PSMD1: variants seen among roughly 807,000 people sequenced by gnomAD.
The protein encoded by PSMD1 is 26S proteasome non-ATPase regulatory subunit 1.
Under a neutral mutation model 119.0 loss-of-function variants are expected in PSMD1, and 18 were observed. That is an observed-to-expected ratio of 0.15 (90% confidence interval 0.10 to 0.22). PSMD1 has a LOEUF of 0.22. Among genes scored for constraint, PSMD1 ranks in the 10% least tolerant of loss-of-function variants. The pLI is 1.00. For missense variants in PSMD1, 702 were observed against 1,158.5 expected (o/e 0.61, Z 5.72); for synonymous variants, 374 against 396.6 (o/e 0.94, Z 0.68).
intron 16 of PSMD1, 76 bp downstream of exon 16, chr2:231,087,257 A>G (rs1694475904): frequency 2.3e-6 from 3 of 1,281,152 alleles, no homozygotes; most frequent in African/African-American, 1.5e-5. Context: ...CGAAACTACC[A>G]AACAGTTTAG....
chr2:231,083,821 A>T lies in PSMD1; in HGVS notation c.1722+58A>T, dbSNP rs559527129. 2.6e-6 allele frequency: 4 copies of T among 1,525,480 alleles called. No homozygotes were observed. The East Asian group carries it at 9.1e-5, about 35-fold the overall frequency. 94.5% of individuals were successfully genotyped at this position (1,525,480 alleles called of 1,614,324 possible). ...ATCTCCAGCATGTAAAAAACACTTA[A>T]CTTCACTGGAAATTAACTCTGTTCC... On this transcript the variant is annotated intron_variant, in intron 14 of 24. Coordinates refer to ENST00000308696, the MANE Select transcript of PSMD1 (RefSeq NM_002807.4).
chr2:231,171,595 G>C (rs1428140479), intron 24 of PSMD1, among the ~76,000 whole-genome samples: 3 of 110,078 alleles, frequency 2.7e-5, no homozygotes, highest in Non-Finnish European at 5.1e-5. Flanking sequence ...CGCTCTTGTT[G>C]CTCTTGGCTG....
intron 16 of PSMD1, among the ~76,000 whole-genome samples, chr2:231,106,685 G>C (rs527550281): frequency 7.5e-4 from 114 of 152,258 alleles, no homozygotes; most frequent in Admixed American, 1.2e-3. Context: ...ACAGTTTATA[G>C]GTGTTGTGGC....
intron 16 of PSMD1, among the ~76,000 whole-genome samples, chr2:231,091,414 C>A (rs925016543): frequency 5.3e-5 from 8 of 152,164 alleles, no homozygotes; most frequent in Admixed American, 4.6e-4. Context: ...TTGCATCTTT[C>A]CCTATAATTT....
intron 16 of PSMD1, among the ~76,000 whole-genome samples, chr2:231,128,403 C>G (rs1695776355): frequency 6.6e-6 from 1 of 152,162 alleles, no homozygotes; most frequent in Non-Finnish European, 1.5e-5. Context: ...TTATTCATTC[C>G]TCTCATGTTC....
intron 15 of PSMD1, among the ~76,000 whole-genome samples, chr2:231,086,243 T>C (rs1042167123): frequency 1.3e-5 from 2 of 152,154 alleles, no homozygotes; most frequent in Non-Finnish European, 2.9e-5. Context: ...AGGGTCTCGC[T>C]GTGTTGCCTA....
chr2:231,100,301 C>CA (rs1471699762), intron 16 of PSMD1, among the ~76,000 whole-genome samples: 1 of 152,080 alleles, frequency 6.6e-6, no homozygotes, highest in South Asian at 2.1e-4. Context: ...CACACTTGGA[C>CA]AAGGGAGGGG....
Position 231,170,776 on chromosome 2 carries a change from G to GT in PSMD1, c.*9+61dup, listed in dbSNP as rs1696894848. 96 of 1,480,616 alleles carry GT rather than the reference G, an allele frequency of 6.5e-5. 1 individual carries two copies. The South Asian group carries it at 1.2e-3, about 19-fold the overall frequency. The allele number at this position is 1,480,616 out of a possible 1,614,324, so 91.7% of individuals were successfully genotyped here. On this transcript the variant is annotated intron_variant, in intron 24 of 24. Transcript: ENST00000308696. This position sits in a 1 kb window ranked among gnomAD's most constrained non-coding sequence, Gnocchi z 4.1. ...ACTTCTTTGTCAATACTTCACAAATGTTTTTTGCAAGGACATCATCTCACG... is the reference window on the plus strand; with the variant it reads ...ACTTCTTTGTCAATACTTCACAAATGTTTTTTTGCAAGGACATCATCTCACG...
intron 5 of PSMD1, among the ~76,000 whole-genome samples, chr2:231,069,188 T>TA (rs547758033): frequency 0.026 from 3,692 of 144,062 alleles, 63 homozygotes; most frequent in Non-Finnish European, 0.029. Flanking sequence ...AAAAATGTTT[T>TA]AAAAAAAAAA....
At chr2:231,104,366 G>A (rs1270390848) in intron 16 of PSMD1, among the ~76,000 whole-genome samples, 1 of 152,042 alleles carries the variant, frequency 6.6e-6, no homozygotes, top group Non-Finnish European at 1.5e-5. Flanking sequence ...CCACTACATA[G>A]TATAGTCAAA....
Position 231,057,021 on chromosome 2 carries a change from C to T in PSMD1, c.-5C>T. 2 of 1,536,944 alleles carry T rather than the reference C, an allele frequency of 1.3e-6. No homozygotes were observed. Among genetic ancestry groups the T allele is most frequent in the Non-Finnish European group, 1.7e-6 (2 of 1,143,176 alleles). On this transcript the variant is annotated 5_prime_UTR_variant, in exon 1 of 25. Coordinates refer to ENST00000308696, the MANE Select transcript of PSMD1 (RefSeq NM_002807.4). ...CGAGCCGACGGGCGAGTGAGGGGCG[C>T]AGCCATGATCACCTCGGCCGGTGAG...
chr2:231,145,089 T>C (rs947428216), intron 17 of PSMD1, among the ~76,000 whole-genome samples: 1 of 152,240 alleles, frequency 6.6e-6, no homozygotes, highest in Non-Finnish European at 1.5e-5. Flanking sequence ...ATTCACGTAG[T>C]TGTTAATTAA....
chr2:231,163,720 A>G lies in PSMD1; in HGVS notation c.2474A>G (p.Lys825Arg). 1 of 1,599,884 alleles carries G rather than the reference A, an allele frequency of 6.3e-7. No individual in the cohort carries two copies. The highest frequency in any genetic ancestry group is 8.6e-7 in the Non-Finnish European group (1 of 1,167,408). Residue 825 changes from lysine (K) to arginine (R), a missense_variant, in exon 21 of 25, where the codon AAG (lysine) becomes AGG (arginine). Transcript: ENST00000308696. ...CTGGAAGTACCAAAAGAAAAAGAAAAGGAAAAGGTAGGTTCTTTGTTCCTT... is the reference window on the plus strand; with the variant it reads ...CTGGAAGTACCAAAAGAAAAAGAAAGGGAAAAGGTAGGTTCTTTGTTCCTT... Reference protein sequence around the residue: ...APLEVPKEKEKEKVSTAVLSI... With the variant: ...APLEVPKEKEREKVSTAVLSI...
intron 16 of PSMD1, among the ~76,000 whole-genome samples, chr2:231,120,376 C>T (rs1398496346): frequency 2.0e-5 from 3 of 152,272 alleles, no homozygotes; most frequent in East Asian, 3.9e-4. Context: ...GTATTTCTAA[C>T]GTAGGTATTT....
chr2:231,143,936 T>C (rs561736252), intron 17 of PSMD1, among the ~76,000 whole-genome samples: 6 of 152,246 alleles, frequency 3.9e-5, no homozygotes, highest in Non-Finnish European at 8.8e-5. Context: ...TTCATTTGTT[T>C]TGCTATTCTA....
At chr2:231,107,148 T>C (rs1694996739) in intron 16 of PSMD1, among the ~76,000 whole-genome samples, 1 of 152,204 alleles carries the variant, frequency 6.6e-6, no homozygotes, top group African/African-American at 2.4e-5. Context: ...TATGATATAC[T>C]CTTCCCAGCA....
At chr2:231,165,524 A>G (rs998292190) in intron 22 of PSMD1, among the ~76,000 whole-genome samples, 14 of 152,184 alleles carry the variant, frequency 9.2e-5, no homozygotes, top group African/African-American at 3.4e-4. Context: ...GACAACTAAA[A>G]TAGGTTTTGA....
intron 2 of PSMD1, among the ~76,000 whole-genome samples, chr2:231,061,736 A>T (rs1312030699): frequency 1.3e-5 from 2 of 151,670 alleles, no homozygotes; most frequent in African/African-American, 4.8e-5. Flanking sequence ...GCTAATTTTT[A>T]AATTTTTTGT....
chr2:231,066,810 A>G, intron 4 of PSMD1, 96 bp from the exon 5 acceptor site: 1 of 1,005,748 alleles, frequency 9.9e-7, no homozygotes, highest in Non-Finnish European at 1.4e-6. Context: ...CTTTATAGTC[A>G]TCCCATAAGT....
Sources: gnomAD v4.1 joint callset for allele counts (sites outside exome capture counted in the v4.1 genomes callset) on GRCh38, gnomAD v4.1.1 for gene constraint, Gnocchi (gnomAD v3.1) non-coding constraint, MANE v1.5 for transcripts, NCBI Gene and HGNC (gene_info 2026-07-23, HGNC 2026-07-21) for gene names.